The following RASA1 variants were observed in gnomAD, a reference collection of about 807,000 sequenced individuals.
RASA1 encodes RAS p21 protein activator 1.
RASA1 carries 25 observed loss-of-function variants against 132.2 expected under a neutral mutation model. The ratio of observed to expected loss-of-function variants is 0.19; its 90% CI spans 0.14 to 0.26. The LOEUF (loss-of-function observed/expected upper bound fraction) is 0.26. Among genes scored for constraint, RASA1 ranks in the 10% least tolerant of loss-of-function variants. The pLI is 1.00. For missense variants in RASA1, 964 were observed against 1,299.2 expected (o/e 0.74, Z 3.97); for synonymous variants, 477 against 449.9 (o/e 1.06, Z -0.76).
At chr5:87,381,115 T>C (rs1326224170) in intron 20 of RASA1, among the ~76,000 whole-genome samples, 1 of 152,222 alleles carries the variant, frequency 6.6e-6, no homozygotes, top group African/African-American at 2.4e-5. Context: ...GACTTCATTA[T>C]CATTATTCTA....
At chr5:87,269,511 T>C (rs1206866413) in intron 1 of RASA1, among the ~76,000 whole-genome samples, 1 of 151,922 alleles carries the variant, frequency 6.6e-6, no homozygotes, top group African/African-American at 2.4e-5. Context: ...TGCAGAAGAG[T>C]CTTTGGGTCA....
At chr5:87,341,190 T>C (rs1758413447) in intron 5 of RASA1, 100 bp from the exon 6 acceptor site, 1 of 578,258 alleles carries the variant, frequency 1.7e-6, no homozygotes, top group South Asian at 8.1e-5. Context: ...TAAATAAGGA[T>C]AGTGTGGGGA....
At chr5:87,308,730 A>G (rs1755736321) in intron 1 of RASA1, among the ~76,000 whole-genome samples, 1 of 152,166 alleles carries the variant, frequency 6.6e-6, no homozygotes, top group Non-Finnish European at 1.5e-5. Context: ...ATAATGCCAT[A>G]TTTTTATTGT....
At chr5:87,287,298 C>CGT (rs1359681223) in intron 1 of RASA1, among the ~76,000 whole-genome samples, 2 of 142,588 alleles carry the variant, frequency 1.4e-5, no homozygotes, top group Admixed American at 7.0e-5. Context: ...ATATATACAC[C>CGT]ATATATACAC....
intron 17 of RASA1, among the ~76,000 whole-genome samples, chr5:87,377,818 T>G (rs967298016): frequency 6.6e-6 from 1 of 152,112 alleles, no homozygotes; most frequent in East Asian, 1.9e-4. Flanking sequence ...GTTCCCCAAA[T>G]AAATAGTAAA....
At chr5:87,290,717 A>T (rs1368804254) in intron 1 of RASA1, among the ~76,000 whole-genome samples, 2 of 152,042 alleles carry the variant, frequency 1.3e-5, no homozygotes, top group Admixed American at 1.3e-4. Flanking sequence ...CTTCTCCAGG[A>T]TGTTGTATAG....
At chr5:87,327,810 CAA>C (rs957896861) in intron 1 of RASA1, among the ~76,000 whole-genome samples, 1 of 151,992 alleles carries the variant, frequency 6.6e-6, no homozygotes, top group Admixed American at 6.6e-5. Context: ...ACTAAAAATA[CAA>C]AAGTTAGCCG....
In RASA1 at chr5:87,268,012, A is replaced by AGCAGCG. The variant is rs1451188214; in HGVS notation, c.-436_-431dup. 7.5e-6 allele frequency: 3 copies of AGCAGCG among 397,874 alleles called. No individual in the cohort carries two copies. Among genetic ancestry groups the AGCAGCG allele is most frequent in the Non-Finnish European group, 1.3e-5 (3 of 227,154 alleles). 24.6% of individuals were successfully genotyped at this position (397,874 alleles called of 1,614,324 possible). The stretch of plus-strand genomic sequence containing the variant: ...AAGCGGCTGCAGTGGCCCCAGCCTC[A>AGCAGCG]GCAGCGGCACCGGCGGTGGCTGCGG... On this transcript the variant is annotated 5_prime_UTR_variant, in exon 1 of 25. Transcript: ENST00000274376.
At chr5:87,296,970 T>C (rs1225769066) in intron 1 of RASA1, among the ~76,000 whole-genome samples, 1 of 152,154 alleles carries the variant, frequency 6.6e-6, no homozygotes, top group Non-Finnish European at 1.5e-5. Flanking sequence ...CTCTTTTTTT[T>C]CTTTGCTTTT....
intron 1 of RASA1, among the ~76,000 whole-genome samples, chr5:87,282,706 T>C (rs895458199): frequency 6.6e-6 from 1 of 152,226 alleles, no homozygotes; most frequent in Admixed American, 6.5e-5. Flanking sequence ...GTCTTACAGA[T>C]CCTCAAGACT....
Position 87,302,913 on chromosome 5 carries a change from C to T in RASA1, c.540-28435C>T, listed in dbSNP as rs537725090. 9.9e-5 allele frequency among the ~76,000 whole-genome samples: 15 copies of T among 151,986 alleles called. No homozygotes were observed. The South Asian group carries it at 2.5e-3, about 25-fold the overall frequency. Reference sequence around the variant, plus strand: ...TCTTTGCATGCTCGAAGGAGATGAACGTATTTGCCTGTGTTTTTTTCTAGA... The same window carrying T: ...TCTTTGCATGCTCGAAGGAGATGAATGTATTTGCCTGTGTTTTTTTCTAGA... On this transcript the variant is annotated intron_variant, in intron 1 of 24. Coordinates refer to ENST00000274376, the MANE Select transcript of RASA1 (RefSeq NM_002890.3).
intron 15 of RASA1, chr5:87,376,162 A>G: frequency 3.5e-6 from 2 of 568,652 alleles, no homozygotes; most frequent in Non-Finnish European, 6.2e-6. Context: ...CCTCTATGCA[A>G]CTCAAAGAAC....
At chr5:87,305,700 C>T (rs1037491701) in intron 1 of RASA1, among the ~76,000 whole-genome samples, 2 of 152,186 alleles carry the variant, frequency 1.3e-5, no homozygotes, top group African/African-American at 4.8e-5. Flanking sequence ...AAACAGACAA[C>T]CCACAGAATG....
intron 6 of RASA1, among the ~76,000 whole-genome samples, chr5:87,343,131 C>A (rs1335772065): frequency 6.6e-6 from 1 of 152,110 alleles, no homozygotes; most frequent in Non-Finnish European, 1.5e-5. Context: ...AAAGTGTCCT[C>A]AGTAACATCT....
chr5:87,315,792 CT>C (rs1419555911), intron 1 of RASA1, among the ~76,000 whole-genome samples: 1 of 152,172 alleles, frequency 6.6e-6, no homozygotes, highest in African/African-American at 2.4e-5. Context: ...AGATTAAATA[CT>C]TCCTAGGAAT....
intron 1 of RASA1, among the ~76,000 whole-genome samples, chr5:87,328,136 ACTT>A (rs1030312419): frequency 6.6e-6 from 1 of 152,202 alleles, no homozygotes; most frequent in African/African-American, 2.4e-5. Context: ...TACTTTTAAA[ACTT>A]ATTATTGCTA....
At chr5:87,285,398 A>C (rs1489545369) in intron 1 of RASA1, among the ~76,000 whole-genome samples, 2 of 151,826 alleles carry the variant, frequency 1.3e-5, no homozygotes, top group Non-Finnish European at 1.5e-5. Flanking sequence ...ATTTTTGTGG[A>C]AATGGTATTA....
intron 6 of RASA1, 74 bp downstream of exon 6, chr5:87,341,395 A>G (rs1362690041): frequency 9.3e-7 from 1 of 1,072,960 alleles, no homozygotes; most frequent in Non-Finnish European, 1.2e-6. Context: ...AACTTTGGCC[A>G]AAAAAATTGT....
intron 4 of RASA1, among the ~76,000 whole-genome samples, chr5:87,335,511 C>T (rs535795262): frequency 4.0e-5 from 6 of 149,974 alleles, no homozygotes; most frequent in African/African-American, 1.2e-4. Context: ...CTGCAACCTC[C>T]GCCACCTGGG....
Sources: gnomAD v4.1 joint callset for allele counts (sites outside exome capture counted in the v4.1 genomes callset) on GRCh38, gnomAD v4.1.1 for gene constraint, MANE v1.5 for transcripts, NCBI Gene and HGNC (gene_info 2026-07-23, HGNC 2026-07-21) for gene names.